PDE10A: variants seen among roughly 807,000 people sequenced by gnomAD.
The protein encoded by PDE10A is cAMP and cAMP-inhibited cGMP 3',5'-cyclic phosphodiesterase 10A.
PDE10A carries 39 observed loss-of-function variants against 97.7 expected under a neutral mutation model. The ratio of observed to expected loss-of-function variants is 0.40; its 90% confidence interval spans 0.31 to 0.52. The LOEUF is 0.52. Among genes scored for constraint, PDE10A ranks in the 20% least tolerant of loss-of-function variants. The probability of loss-of-function intolerance (pLI) is 0.56; values close to 1 mark genes in which losing one functional copy is unlikely to be tolerated. For synonymous variants in PDE10A, 371 were observed against 376.8 expected (o/e 0.98, Z 0.18); for missense variants, 731 against 1,047.8 (o/e 0.70, Z 4.17).
intron 1 of PDE10A, among the ~76,000 whole-genome samples, chr6:165,712,493 A>G (rs964853420): frequency 3.9e-5 from 6 of 152,152 alleles, no homozygotes; most frequent in Admixed American, 6.5e-5. Context: ...GGCATCTTCC[A>G]TTAAGAACTT....
intron 18 of PDE10A, among the ~76,000 whole-genome samples, chr6:165,345,042 G>C (rs1162348009): frequency 6.6e-6 from 1 of 151,066 alleles, no homozygotes; most frequent in African/African-American, 2.4e-5. Flanking sequence ...TTTTTCAACA[G>C]GTAAATTCAT....
intron 10 of PDE10A, among the ~76,000 whole-genome samples, chr6:165,424,875 C>G (rs1214475769): frequency 6.6e-6 from 1 of 152,036 alleles, no homozygotes; most frequent in Non-Finnish European, 1.5e-5. Flanking sequence ...AAATCAGATG[C>G]AAACTCACAG....
At chr6:165,359,911 G>A (rs974896567) in intron 18 of PDE10A, among the ~76,000 whole-genome samples, 1 of 152,144 alleles carries the variant, frequency 6.6e-6, no homozygotes, top group Non-Finnish European at 1.5e-5. Flanking sequence ...AGGCTTTAGA[G>A]TGCCAACCCC....
chr6:165,357,827 T>G (rs574625751), intron 18 of PDE10A, among the ~76,000 whole-genome samples: 1 of 152,238 alleles, frequency 6.6e-6, no homozygotes, highest in African/African-American at 2.4e-5. Flanking sequence ...CTTCCTTCTG[T>G]TGCTTGCTTT....
chr6:165,362,677 A>C (rs772184514), intron 18 of PDE10A, among the ~76,000 whole-genome samples: 2 of 152,198 alleles, frequency 1.3e-5, no homozygotes, highest in Non-Finnish European at 2.9e-5. Context: ...ACTCTTCCAA[A>C]AAAACAGTAG....
intron 5 of PDE10A, among the ~76,000 whole-genome samples, chr6:165,447,048 G>A (rs866640134): frequency 4.6e-5 from 7 of 151,970 alleles, no homozygotes; most frequent in Non-Finnish European, 1.0e-4. Flanking sequence ...AATCCTAAGA[G>A]GAACTACTTC....
chr6:165,770,664 C>T (rs1016871528), intron 1 of PDE10A, among the ~76,000 whole-genome samples: 15 of 152,188 alleles, frequency 9.9e-5, no homozygotes, highest in Non-Finnish European at 2.2e-4. Context: ...CCTCCCTCCT[C>T]CCGGGAGAGT....
At chr6:165,687,320 T>C (rs1791149237) in intron 1 of PDE10A, among the ~76,000 whole-genome samples, 1 of 152,166 alleles carries the variant, frequency 6.6e-6, no homozygotes, top group South Asian at 2.1e-4. Flanking sequence ...AGGGAATCAA[T>C]GTTATCAAAG....
chr6:165,668,005 C>G (rs550275654), upstream of PDE10A, among the ~76,000 whole-genome samples: 2 of 152,262 alleles, frequency 1.3e-5, no homozygotes, highest in African/African-American at 2.4e-5. Context: ...AAAACAGATG[C>G]AAGTTAGAAC....
intron 1 of PDE10A, among the ~76,000 whole-genome samples, chr6:165,729,758 T>G (rs1792382201): frequency 6.6e-6 from 1 of 151,628 alleles, no homozygotes; most frequent in African/African-American, 2.4e-5. Context: ...ATCAAATATT[T>G]CCTACAGTGG....
rs1347660162 is a variant in PDE10A, at chr6:165,332,952, A to G, written c.*73T>C. ...GTGCAGGTTCCCCCCACCCCCCCCA[A>G]AAAAAGGAAAAGAATGTCAAAGAAG... On this transcript the variant is annotated 3_prime_UTR_variant, in exon 22 of 22. Coordinates refer to ENST00000539869, the MANE Select transcript of PDE10A (RefSeq NM_001385079.1). 7.8e-6 allele frequency: 5 copies of G among 643,932 alleles called. No homozygotes were observed. The highest frequency in any genetic ancestry group is 4.3e-5 in the South Asian group (3 of 69,556). 39.9% of individuals were successfully genotyped at this position (643,932 alleles called of 1,614,324 possible).
At chr6:165,958,565 G>A (rs1391396714) in intron 1 of PDE10A, among the ~76,000 whole-genome samples, 1 of 9,526 alleles carries the variant, frequency 1.0e-4, no homozygotes, top group African/African-American at 3.3e-4. Flanking sequence ...AAGAAAGAAA[G>A]ACAGACAGAA....
chr6:165,453,966 G>C (rs1169301507), intron 3 of PDE10A, among the ~76,000 whole-genome samples: 5 of 152,236 alleles, frequency 3.3e-5, no homozygotes, highest in African/African-American at 4.8e-5. Context: ...AAATCATAAG[G>C]GCAAGGATAC....
At chr6:165,531,077 C>CTTTGTGCCTCTGCT (rs1782748779) in intron 2 of PDE10A, among the ~76,000 whole-genome samples, 6 of 151,942 alleles carry the variant, frequency 3.9e-5, no homozygotes, top group Non-Finnish European at 1.5e-5. Context: ...TTAATCAACT[C>CTTTGTGCCTCTGCT]TAGTCATTCT....
At chr6:165,771,958 T>A (rs977553004) in intron 1 of PDE10A, among the ~76,000 whole-genome samples, 7 of 152,206 alleles carry the variant, frequency 4.6e-5, no homozygotes, top group African/African-American at 1.4e-4. Flanking sequence ...GGCGTTGGTC[T>A]TCCCTTGGCA....
rs114269744 is a variant in PDE10A, at chr6:165,819,450, G to T, written c.-615+168079C>A. ...CATGCAATCCGTCCTCCAGACGGCC[G>T]CTGGCACCACTCTCCGAGACACGCT... On this transcript the variant is annotated intron_variant, in intron 1 of 19. Transcript: ENST00000366882. This position sits in a 1 kb window ranked among gnomAD's most constrained non-coding sequence, Gnocchi z 4.2. Among the ~76,000 whole-genome samples, 1,593 of 152,198 alleles carry T rather than the reference G, an allele frequency of 0.01. 31 individuals are homozygous for T. Among genetic ancestry groups the T allele is most frequent in the African/African-American group, 0.036 (1,477 of 41,526 alleles).
chr6:165,365,520 ACT>A (rs1190807164), intron 18 of PDE10A, among the ~76,000 whole-genome samples: 1 of 152,090 alleles, frequency 6.6e-6, no homozygotes, highest in Non-Finnish European at 1.5e-5. Flanking sequence ...ACATAGCAAG[ACT>A]CTGTCTCAAC....
At chr6:165,531,807 CTCTT>C (rs1562554775) in intron 2 of PDE10A, among the ~76,000 whole-genome samples, 2 of 152,082 alleles carry the variant, frequency 1.3e-5, no homozygotes, top group African/African-American at 2.4e-5. Flanking sequence ...AATATTTATG[CTCTT>C]TCTACTTTTC....
At chr6:165,558,380 C>T (rs1394618120) in intron 1 of PDE10A, among the ~76,000 whole-genome samples, 1 of 150,676 alleles carries the variant, frequency 6.6e-6, no homozygotes, top group Non-Finnish European at 1.5e-5. Flanking sequence ...CATATGTTCT[C>T]AATCATAGGT....
Sources: gnomAD v4.1 joint callset for allele counts (sites outside exome capture counted in the v4.1 genomes callset) on GRCh38, gnomAD v4.1.1 for gene constraint, Gnocchi (gnomAD v3.1) non-coding constraint, MANE v1.5 for transcripts, NCBI Gene and HGNC (gene_info 2026-07-23, HGNC 2026-07-21) for gene names.